Variants in CMTM4 observed in about 807,000 individuals in gnomAD.
The protein encoded by CMTM4 is CKLF like MARVEL transmembrane domain containing 4.
Under a neutral mutation model 19.0 loss-of-function variants are expected in CMTM4, and 8 were observed. The ratio of observed to expected loss-of-function variants is 0.42; its 90% CI spans 0.25 to 0.76. The LOEUF (loss-of-function observed/expected upper bound fraction) is 0.76, where lower values mean the gene tolerates loss of function less well. CMTM4 is among the 30% of genes least tolerant of loss of function. The probability of loss-of-function intolerance (pLI) is 0.27; values close to 1 mark genes in which losing one functional copy is unlikely to be tolerated. For synonymous variants in CMTM4, 106 were observed against 121.1 expected, an observed-to-expected ratio of 0.88 and a Z score of 0.82; for missense variants, 228 against 290.2, an observed-to-expected ratio of 0.79 and a Z score of 1.56.
At chr16:66,630,345 AGTCTCCCTCTCCCTCTCTTTCCACG>A (rs1374719130) in intron 2 of CMTM4, among the ~76,000 whole-genome samples, 11 of 78,632 alleles carry the variant, frequency 1.4e-4, no homozygotes, top group African/African-American at 4.1e-4. Context: ...CTCTCCCCAC[AGTCTCCCTCTCCCTCTCTTTCCACG>A]GTCTCCCTCT....
downstream of CMTM4, chr16:66,610,032 G>C (rs2015317290): frequency 2.5e-6 from 4 of 1,611,408 alleles, no homozygotes; most frequent in East Asian, 8.9e-5. The surrounding 1 kb of genome is among the most constrained non-coding windows in gnomAD (Gnocchi z 4.6). Flanking sequence ...CACCCCAGCA[G>C]TGCTGCAACA....
Position 66,696,262 on chromosome 16 carries a change from G to T in CMTM4, c.186+78C>A. The T allele has an allele frequency of 9.4e-7, 1 of 1,061,752 alleles. No individual in the cohort carries two copies. The highest frequency in any genetic ancestry group is 3.1e-5 in the South Asian group (1 of 32,106). 65.8% of individuals were successfully genotyped at this position (1,061,752 alleles called of 1,614,324 possible). A position where few individuals can be genotyped will look rare whatever the true frequency, so the allele number is the denominator to read the frequency against. On this transcript the variant is annotated intron_variant, in intron 1 of 3. Coordinates refer to ENST00000394106, the MANE Select transcript of CMTM4 (RefSeq NM_181521.3). This position sits in a 1 kb window ranked among gnomAD's most constrained non-coding sequence, Gnocchi z 4.3. ...GGCCTGGGCAAGCGGGTACGCGGCG[G>T]AGGCCCCGCAGCGGGGCGGGGAGGG... is the stretch of plus-strand genomic sequence containing the variant.
chr16:66,665,794 C>T (rs2016581496), intron 1 of CMTM4, among the ~76,000 whole-genome samples: 3 of 151,522 alleles, frequency 2.0e-5, no homozygotes. Flanking sequence ...AAAGGCCAGG[C>T]ATGGTGGCTC....
rs1310939680 is a variant in CMTM4, at chr16:66,678,137, C to T, written c.186+18203G>A. On this transcript the variant is annotated intron_variant, in intron 1 of 3. Coordinates refer to ENST00000394106, the MANE Select transcript of CMTM4 (RefSeq NM_181521.3). ...GGTGCAGTGAGCCATGATCACACCA[C>T]TGTACTCTAGCTTGGGCAACACAGT... Among the ~76,000 whole-genome samples the T allele has an allele frequency of 1.4e-4, 21 of 152,170 alleles. 1 individual carries two copies. Among genetic ancestry groups the T allele is most frequent in the Admixed American group, 1.4e-3 (21 of 15,278 alleles).
At chr16:66,692,783 T>C (rs759219280) in intron 1 of CMTM4, among the ~76,000 whole-genome samples, 1 of 151,740 alleles carries the variant, frequency 6.6e-6, no homozygotes, top group Non-Finnish European at 1.5e-5. Context: ...AGTGGGCGCC[T>C]GTAATCCCAG....
chr16:66,690,747 C>A (rs981668729), intron 1 of CMTM4, among the ~76,000 whole-genome samples: 1 of 152,184 alleles, frequency 6.6e-6, no homozygotes, highest in African/African-American at 2.4e-5. Flanking sequence ...CCATACTGTA[C>A]AACTGAGGAA....
Position 66,617,446 on chromosome 16 carries a change from A to C in CMTM4, c.*4612T>G, listed in dbSNP as rs1045355266. 22 of 1,528,368 alleles carry C rather than the reference A, an allele frequency of 1.4e-5. No individual in the cohort carries two copies. Among genetic ancestry groups the C allele is most frequent in the Non-Finnish European group, 1.8e-5 (20 of 1,138,240 alleles). 94.7% of individuals were successfully genotyped at this position (1,528,368 alleles called of 1,614,324 possible). On this transcript the variant is annotated 3_prime_UTR_variant, in exon 4 of 4. Coordinates refer to ENST00000394106, the MANE Select transcript of CMTM4 (RefSeq NM_181521.3). ...TCCAGACAAAAGAAGGGAAAATACAATAGGACCCACTCCGCTTCAAGCTAA... is the reference window on the plus strand; with the variant it reads ...TCCAGACAAAAGAAGGGAAAATACACTAGGACCCACTCCGCTTCAAGCTAA...
At position 66,620,591 on chromosome 16, in the gene CMTM4, C is replaced by T. The variant is rs550549616; in HGVS notation, c.*1467G>A. On this transcript the variant is annotated 3_prime_UTR_variant, in exon 4 of 4. Transcript: ENST00000394106. The stretch of plus-strand genomic sequence containing the variant: ...TCTTGCACAGACCCCCCGCCGCCCC[C>T]TCGGAGTTATTTATTACACAGTACG... 5.2e-4 allele frequency: 516 copies of T among 985,482 alleles called. 2 individuals carry two copies. The highest frequency in any genetic ancestry group is 6.0e-4 in the Non-Finnish European group (495 of 829,992). The allele number at this position is 985,482 out of a possible 1,614,324, so 61.0% of individuals were successfully genotyped here. A position where few individuals can be genotyped will look rare whatever the true frequency, so the allele number is the denominator to read the frequency against.
chr16:66,601,339 G>A, the CMTM4 span, among the ~76,000 whole-genome samples: 6 of 152,188 alleles, frequency 3.9e-5, no homozygotes. Context: ...CTGACAGTGG[G>A]TAGCTCTTCT....
At chr16:66,602,776 A>G in the CMTM4 span, among the ~76,000 whole-genome samples, 1 of 151,914 alleles carries the variant, frequency 6.6e-6, no homozygotes, top group Non-Finnish European at 1.5e-5. Context: ...CGAACTCCTG[A>G]CCTCAGGTGA....
chr16:66,627,735 C>T (rs999088759), intron 2 of CMTM4, among the ~76,000 whole-genome samples: 17 of 152,170 alleles, frequency 1.1e-4, no homozygotes, highest in East Asian at 5.8e-4. Flanking sequence ...CTTCTGAAGG[C>T]GTGGCCTGCC....
intron 1 of CMTM4, among the ~76,000 whole-genome samples, chr16:66,638,874 CA>C (rs1447562121): frequency 3.3e-5 from 5 of 149,662 alleles, no homozygotes; most frequent in Non-Finnish European, 7.4e-5. Context: ...AAAACAAAAA[CA>C]AAAGCAAACA....
intron 2 of CMTM4, among the ~76,000 whole-genome samples, chr16:66,628,973 T>A (rs960500032): frequency 1.6e-4 from 24 of 152,360 alleles, no homozygotes; most frequent in Admixed American, 3.3e-4. Context: ...TGATTTTTTT[T>A]AAATTATCTA....
chr16:66,610,122 G>A (rs2144750286), downstream of CMTM4: 2 of 1,320,746 alleles, frequency 1.5e-6, no homozygotes, highest in East Asian at 4.6e-5. The surrounding 1 kb of genome is among the most constrained non-coding windows in gnomAD (Gnocchi z 4.6). Flanking sequence ...GGCAGGAAGT[G>A]TTTTCACAGC....
chr16:66,659,035 A>G (rs2144855547), intron 1 of CMTM4, among the ~76,000 whole-genome samples: 1 of 152,194 alleles, frequency 6.6e-6, no homozygotes, highest in South Asian at 2.1e-4. Context: ...CAGTCAAGCT[A>G]TATAGAGTAA....
At chr16:66,650,920 C>A (rs954256182) in intron 1 of CMTM4, among the ~76,000 whole-genome samples, 1 of 152,160 alleles carries the variant, frequency 6.6e-6, no homozygotes, top group Non-Finnish European at 1.5e-5. Flanking sequence ...CACGCGCACA[C>A]ACAGCAGGGT....
At chr16:66,634,767 C>T (rs1487180444) in intron 2 of CMTM4, among the ~76,000 whole-genome samples, 6 of 152,068 alleles carry the variant, frequency 3.9e-5, no homozygotes, top group South Asian at 2.1e-4. Flanking sequence ...AAAAAAAAAC[C>T]CTGCAAAAAA....
At chr16:66,613,154 C>T (rs1477328858), downstream of CMTM4, 5 of 702,852 alleles carry the variant, frequency 7.1e-6, no homozygotes, top group Non-Finnish European at 1.3e-5. Flanking sequence ...TCAAGGAGCA[C>T]CAGTTCCCTC....
At chr16:66,672,101 G>A (rs914785012) in intron 1 of CMTM4, among the ~76,000 whole-genome samples, 6 of 152,034 alleles carry the variant, frequency 3.9e-5, no homozygotes, top group South Asian at 2.1e-4. Flanking sequence ...AAAAGTAATT[G>A]TAGTTTTTGT....
Sources: gnomAD v4.1 joint callset for allele counts (sites outside exome capture counted in the v4.1 genomes callset) on GRCh38, gnomAD v4.1.1 for gene constraint, Gnocchi (gnomAD v3.1) non-coding constraint, MANE v1.5 for transcripts, NCBI Gene and HGNC (gene_info 2026-07-23, HGNC 2026-07-21) for gene names.